The following NMNAT3 variants were observed in gnomAD, a reference collection of about 807,000 sequenced individuals.
The protein encoded by NMNAT3 is nicotinamide/nicotinic acid mononucleotide adenylyltransferase 3.
A neutral mutation model predicts 24.8 loss-of-function variants in NMNAT3; 21 were observed. That is an observed-to-expected ratio of 0.85 (90% CI 0.60 to 1.22). The LOEUF (loss-of-function observed/expected upper bound fraction) is 1.22, where lower values mean the gene tolerates loss of function less well. Among genes scored for constraint, NMNAT3 ranks in the 50% most tolerant of loss-of-function variants. NMNAT3 has a pLI of 0.00. For missense variants in NMNAT3, 387 were observed against 436.6 expected, an observed-to-expected ratio of 0.89 and a Z score of 1.01; for synonymous variants, 136 against 155.2, an observed-to-expected ratio of 0.88 and a Z score of 0.92.
chr3:139,649,349 A>AC (rs2056979672), intron 1 of NMNAT3, among the ~76,000 whole-genome samples: 2 of 151,216 alleles, frequency 1.3e-5, no homozygotes, highest in African/African-American at 4.9e-5. Context: ...AAACAAACAA[A>AC]AAAACTGGCT....
intron 3 of NMNAT3, among the ~76,000 whole-genome samples, chr3:139,617,462 T>C (rs1020329965): frequency 6.6e-6 from 1 of 152,214 alleles, no homozygotes; most frequent in Non-Finnish European, 1.5e-5. Flanking sequence ...TAGCCTCAGC[T>C]TCCTCATCTG....
chr3:139,651,470 G>A (rs867907979), intron 1 of NMNAT3, among the ~76,000 whole-genome samples: 1 of 152,170 alleles, frequency 6.6e-6, no homozygotes, highest in African/African-American at 2.4e-5. Context: ...TCTGAGAGGG[G>A]AAGGCTGCCT....
chr3:139,662,744 T>C (rs1473465656), intron 1 of NMNAT3, among the ~76,000 whole-genome samples: 1 of 152,170 alleles, frequency 6.6e-6, no homozygotes, highest in Non-Finnish European at 1.5e-5. Flanking sequence ...GTGTCTTCTA[T>C]TGGCCTCTTA....
chr3:139,567,914 T>C (rs1937509837), intron 6 of NMNAT3: 1 of 152,388 alleles, frequency 6.6e-6, no homozygotes, highest in African/African-American at 2.4e-5. Flanking sequence ...TCAGAAGGAA[T>C]GGTACCAGCT....
chr3:139,583,243 T>A (rs1306024610), intron 3 of NMNAT3: 1 of 1,203,016 alleles, frequency 8.3e-7, no homozygotes, highest in African/African-American at 1.5e-5. Context: ...TGTTTGCAAA[T>A]TCAGGTGCTA....
rs192233850 is a variant in NMNAT3, at chr3:139,627,167, G to T, written c.109+449C>A. On this transcript the variant is annotated intron_variant, in intron 3 of 6. Coordinates refer to ENST00000643695, the MANE Select transcript of NMNAT3 (RefSeq NM_001320510.2). ...GCCCTATATACAAGATTATTAATTT[G>T]TAATAATCTAAGATCTATTCTTTAA... is the stretch of plus-strand genomic sequence containing the variant. 9.3e-4 allele frequency among the ~76,000 whole-genome samples: 141 copies of T among 152,186 alleles called. 4 individuals carry two copies. In the East Asian group the frequency reaches 0.014, roughly 15 times the overall value.
intron 3 of NMNAT3, among the ~76,000 whole-genome samples, chr3:139,588,604 C>G (rs1183369062): frequency 6.6e-6 from 1 of 151,992 alleles, no homozygotes; most frequent in Non-Finnish European, 1.5e-5. Flanking sequence ...GCTCAGGAAT[C>G]GGAGGAGCCA....
chr3:139,649,112 C>CT (rs1402237203), intron 1 of NMNAT3, among the ~76,000 whole-genome samples: 1 of 152,008 alleles, frequency 6.6e-6, no homozygotes, highest in African/African-American at 2.4e-5. Context: ...AGCATGTATT[C>CT]TTTTTTGTAA....
At chr3:139,582,396 C>T (rs1676390897) in intron 4 of NMNAT3, among the ~76,000 whole-genome samples, 1 of 151,544 alleles carries the variant, frequency 6.6e-6, no homozygotes, top group South Asian at 2.1e-4. Context: ...AATCCCAGCA[C>T]TTTGGGAGGC....
chr3:139,570,319 G>T (rs149022850), intron 6 of NMNAT3: 54,641 of 151,992 alleles, frequency 0.36, 10,784 homozygotes, highest in South Asian at 0.61. Flanking sequence ...TAGTTTGATC[G>T]TCTGAAGCCT....
chr3:139,596,012 G>T (rs1358191513), intron 3 of NMNAT3, among the ~76,000 whole-genome samples: 2 of 152,182 alleles, frequency 1.3e-5, no homozygotes, highest in Non-Finnish European at 2.9e-5. Flanking sequence ...ACTACCATCA[G>T]ACTGAACAGG....
At chr3:139,564,793 A>T (rs1936921744) in intron 6 of NMNAT3, among the ~76,000 whole-genome samples, 1 of 152,266 alleles carries the variant, frequency 6.6e-6, no homozygotes, top group Non-Finnish European at 1.5e-5. Flanking sequence ...ACTTATGCTG[A>T]GAAAAATTCC....
At chr3:139,583,387 G>T (rs202122297) in intron 3 of NMNAT3, 59 of 1,565,424 alleles carry the variant, frequency 3.8e-5, no homozygotes, top group Middle Eastern at 1.7e-4. Flanking sequence ...AACATGTAGA[G>T]CAGTAGAACA....
At chr3:139,581,360 G>A (rs1940157357) in intron 4 of NMNAT3, among the ~76,000 whole-genome samples, 1 of 148,848 alleles carries the variant, frequency 6.7e-6, no homozygotes, top group Non-Finnish European at 1.5e-5. Context: ...TTATTATACA[G>A]GAGAACATCT....
chr3:139,570,040 TTC>T (rs931976538), intron 6 of NMNAT3: 10 of 152,176 alleles, frequency 6.6e-5, no homozygotes, highest in African/African-American at 2.4e-4. Context: ...CTTTGTTCGT[TTC>T]TTTTTACTCT....
At chr3:139,612,285 C>T (rs948922553) in intron 3 of NMNAT3, among the ~76,000 whole-genome samples, 8 of 152,034 alleles carry the variant, frequency 5.3e-5, no homozygotes, top group Middle Eastern at 3.4e-3. Context: ...CTGATTGCTT[C>T]GAAAAAGAGA....
intron 3 of NMNAT3, among the ~76,000 whole-genome samples, chr3:139,587,345 T>C (rs115342531): frequency 6.6e-6 from 1 of 152,102 alleles, no homozygotes; most frequent in Admixed American, 6.5e-5. Context: ...GACAGTACCA[T>C]GGGGAGCCAA....
intron 6 of NMNAT3, chr3:139,566,740 G>T (rs1937295130): frequency 6.6e-6 from 1 of 152,278 alleles, no homozygotes; most frequent in South Asian, 2.1e-4. Flanking sequence ...TTTGGTACCA[G>T]TACCATGCTG....
Position 139,561,198 on chromosome 3 carries a change from G to A in NMNAT3, c.853C>T (p.Leu285=). 1 of 1,614,204 alleles carries A rather than the reference G, an allele frequency of 6.2e-7. No homozygotes were observed. The change falls in exon 7 of 7, where the codon CTG becomes TTG. Residue 285 remains leucine (L), a synonymous_variant. Coordinates refer to ENST00000643695, the MANE Select transcript of NMNAT3 (RefSeq NM_001320510.2). ...TCATTCTGCACAGGCTCCTTGGCCA[G>A]GTGAATGTTGTGCTGGTGCATCCGT... is the stretch of plus-strand genomic sequence containing the variant.
Sources: allele counts gnomAD v4.1 joint callset (sites outside exome capture counted in the v4.1 genomes callset), GRCh38; gene constraint gnomAD v4.1.1; transcripts MANE v1.5; gene names NCBI Gene and HGNC (gene_info 2026-07-23, HGNC 2026-07-21).